Variants in TGFBR2 observed in about 807,000 individuals in gnomAD.
The protein encoded by TGFBR2 is transforming growth factor beta receptor 2, also known as TGF-beta receptor type-2.
TGFBR2 carries 18 observed loss-of-function variants against 49.0 expected under a neutral mutation model. The ratio of observed to expected loss-of-function variants is 0.37; its 90% CI spans 0.25 to 0.54. TGFBR2 has a LOEUF of 0.54. Among genes scored for constraint, TGFBR2 ranks in the 20% least tolerant of loss-of-function variants. The pLI, the probability that TGFBR2 is intolerant of heterozygous loss-of-function variation, is 0.85. For synonymous variants in TGFBR2, 282 were observed against 275.9 expected, an observed-to-expected ratio of 1.02 and a Z score of -0.22; for missense variants, 525 against 722.6, an observed-to-expected ratio of 0.73 and a Z score of 3.13.
chr3:30,671,078 C>G (rs1295919877), intron 3 of TGFBR2, among the ~76,000 whole-genome samples: 1 of 152,176 alleles, frequency 6.6e-6, no homozygotes, highest in Non-Finnish European at 1.5e-5. Context: ...AAGGCAGAAG[C>G]TGTGTCATTT....
intron 5 of TGFBR2, among the ~76,000 whole-genome samples, chr3:30,675,559 G>A (rs186794682): frequency 3.3e-5 from 5 of 152,016 alleles, no homozygotes; most frequent in African/African-American, 7.3e-5. Flanking sequence ...GCTAATATTT[G>A]TATTTTTAGT....
At chr3:30,645,000 T>G in intron 2 of TGFBR2, 85 bp downstream of exon 2, 17 of 1,256,056 alleles carry the variant, frequency 1.4e-5, no homozygotes, top group Non-Finnish European at 2.0e-5. Context: ...AGTGTATCTC[T>G]GTCTCCTAAA....
At chr3:30,660,968 GGAGA>G (rs944866927) in intron 3 of TGFBR2, among the ~76,000 whole-genome samples, 5 of 152,072 alleles carry the variant, frequency 3.3e-5, no homozygotes, top group African/African-American at 1.2e-4. Context: ...GGAAAGCCAG[GGAGA>G]GAGAGAGGAT....
chr3:30,671,445 C>T (rs972632778), intron 3 of TGFBR2, among the ~76,000 whole-genome samples, 193 bp from the exon 4 acceptor site: 1 of 152,138 alleles, frequency 6.6e-6, no homozygotes, highest in Non-Finnish European at 1.5e-5. Flanking sequence ...CAGGGGATGA[C>T]GAACAGATGG....
At chr3:30,664,056 C>G (rs1699197833) in intron 3 of TGFBR2, among the ~76,000 whole-genome samples, 1 of 152,090 alleles carries the variant, frequency 6.6e-6, no homozygotes, top group South Asian at 2.1e-4. Context: ...ACCATTATAG[C>G]TCACTGCAGT....
chr3:30,655,598 G>T (rs573790215), intron 3 of TGFBR2, among the ~76,000 whole-genome samples: 2 of 152,310 alleles, frequency 1.3e-5, no homozygotes, highest in East Asian at 3.9e-4. Flanking sequence ...AGTGATTAGG[G>T]TAATCGCAGT....
At chr3:30,630,246 G>T (rs1698411524) in intron 1 of TGFBR2, among the ~76,000 whole-genome samples, 1 of 152,178 alleles carries the variant, frequency 6.6e-6, no homozygotes, top group South Asian at 2.1e-4. Context: ...TAATAGATAA[G>T]ATTCAGTGTG....
At chr3:30,649,503 A>G (rs1329605582) in intron 2 of TGFBR2, among the ~76,000 whole-genome samples, 1 of 152,230 alleles carries the variant, frequency 6.6e-6, no homozygotes, top group East Asian at 1.9e-4. Flanking sequence ...AATATGTGCT[A>G]TGAAGTGATA....
intron 5 of TGFBR2, among the ~76,000 whole-genome samples, chr3:30,680,553 G>C (rs1427186554): frequency 9.1e-6 from 1 of 109,456 alleles, no homozygotes; most frequent in African/African-American, 3.6e-5. Flanking sequence ...GACAGGTAAT[G>C]AACAAAGAGA....
intron 1 of TGFBR2, among the ~76,000 whole-genome samples, chr3:30,618,477 C>T (rs1698170314): frequency 1.3e-5 from 2 of 152,116 alleles, no homozygotes. Context: ...ACCTCGTGAT[C>T]CGCCCGCCTC....
chr3:30,606,948 G>A lies in TGFBR2; in HGVS notation c.65G>A (p.Ser22Asn), dbSNP rs2125438785. 6.2e-7 allele frequency: 1 copy of A among 1,602,790 alleles called. No homozygotes were observed. The highest frequency in any genetic ancestry group is 1.3e-5 in the African/African-American group (1 of 74,810). ...ATCGTCCTGTGGACGCGTATCGCCA[G>A]CACGATCCCACCGCACGTTCAGAAG... ...LHIVLWTRIA[S>N]TIPPHVQKSV... Residue 22 changes from serine (S) to asparagine (N), a missense_variant, in exon 1 of 7, where the codon AGC (serine) becomes AAC (asparagine). Physicochemically the swap from Ser to Asn is conservative, Grantham distance 46. This residue lies in a region of TGFBR2 where 376 missense variants were observed against 478.2 expected (regional missense o/e 0.79). Transcript: ENST00000295754.
intron 3 of TGFBR2, among the ~76,000 whole-genome samples, chr3:30,663,853 T>G (rs1302928193): frequency 6.6e-6 from 1 of 152,144 alleles, no homozygotes; most frequent in Non-Finnish European, 1.5e-5. Flanking sequence ...GAATGAATTC[T>G]TTTTCACAAG....
chr3:30,622,584 G>C (rs115224325), intron 1 of TGFBR2, among the ~76,000 whole-genome samples: 1,730 of 152,066 alleles, frequency 0.011, 40 homozygotes, highest in African/African-American at 0.04. Context: ...TCTTCAGGCA[G>C]ATAGAAAACT....
At chr3:30,675,285 T>A (rs933372007) in intron 5 of TGFBR2, among the ~76,000 whole-genome samples, 27 of 152,198 alleles carry the variant, frequency 1.8e-4, no homozygotes, top group Non-Finnish European at 4.4e-5. Context: ...TTTCTATTCA[T>A]GTCCTTCTTA....
At position 30,689,667 on chromosome 3, in the gene TGFBR2, C is replaced by G. The variant is rs573718015; in HGVS notation, c.1524+1156C>G. Among the ~76,000 whole-genome samples the G allele has an allele frequency of 3.9e-5, 6 of 152,322 alleles. No individual in the cohort carries two copies. In the South Asian group the frequency reaches 1.2e-3, roughly 32 times the overall value. The stretch of plus-strand genomic sequence containing the variant: ...TCACAGGCTTCTCTGGAGTTTTGAG[C>G]AAATCCTCTTTGACACTAAAACTGT... On this transcript the variant is annotated intron_variant, in intron 6 of 6. Coordinates refer to ENST00000295754, the MANE Select transcript of TGFBR2 (RefSeq NM_003242.6).
At chr3:30,640,958 A>T (rs1394872121) in intron 1 of TGFBR2, among the ~76,000 whole-genome samples, 2 of 152,068 alleles carry the variant, frequency 1.3e-5, no homozygotes, top group East Asian at 3.9e-4. Flanking sequence ...ACGTAAGGAG[A>T]TGTTGTTTGA....
At chr3:30,662,149 G>T (rs746856092) in intron 3 of TGFBR2, among the ~76,000 whole-genome samples, 2 of 152,146 alleles carry the variant, frequency 1.3e-5, no homozygotes, top group Admixed American at 6.5e-5. Flanking sequence ...AGCACACAGA[G>T]GCTACATTTG....
At chr3:30,663,978 TG>T (rs1553629168) in intron 3 of TGFBR2, among the ~76,000 whole-genome samples, 10 of 73,698 alleles carry the variant, frequency 1.4e-4, no homozygotes, top group Non-Finnish European at 2.5e-4. Flanking sequence ...CTAACTTTTT[TG>T]GGGGGGGGAG....
intron 3 of TGFBR2, among the ~76,000 whole-genome samples, chr3:30,655,899 A>G (rs1354367472): frequency 6.6e-6 from 1 of 152,202 alleles, no homozygotes; most frequent in Non-Finnish European, 1.5e-5. Flanking sequence ...TGCTACTGAA[A>G]GTGTCTAGAC....
Sources: gnomAD v4.1 joint callset for allele counts (sites outside exome capture counted in the v4.1 genomes callset) on GRCh38, gnomAD v4.1.1 for gene constraint, gnomAD v4.1.1 regional missense constraint, MANE v1.5 for transcripts, NCBI Gene and HGNC (gene_info 2026-07-23, HGNC 2026-07-21) for gene names.